XRRA1: variants seen among roughly 807,000 people sequenced by gnomAD.
XRRA1 encodes X-ray radiation resistance-associated protein 1.
A neutral mutation model predicts 80.2 loss-of-function variants in XRRA1; 69 were observed. The ratio of observed to expected loss-of-function variants is 0.86; its 90% CI spans 0.71 to 1.05. XRRA1 has a LOEUF of 1.05. Among genes scored for constraint, XRRA1 ranks in the 50% least tolerant of loss-of-function variants. The pLI, the probability that XRRA1 is intolerant of heterozygous loss-of-function variation, is 0.00. For synonymous variants in XRRA1, 348 were observed against 389.9 expected, an observed-to-expected ratio of 0.89 and a Z score of 1.27; for missense variants, 967 against 976.4, an observed-to-expected ratio of 0.99 and a Z score of 0.13.
At chr11:74,885,809 C>T (rs541856159) in intron 10 of XRRA1, among the ~76,000 whole-genome samples, 2 of 152,188 alleles carry the variant, frequency 1.3e-5, no homozygotes, top group East Asian at 3.9e-4. Flanking sequence ...ATGCAAAAAT[C>T]CTCAAAAAAA....
At chr11:74,872,100 A>G (rs544297916) in intron 10 of XRRA1, among the ~76,000 whole-genome samples, 23 of 152,366 alleles carry the variant, frequency 1.5e-4, no homozygotes, top group Non-Finnish European at 2.4e-4. Flanking sequence ...TGATGACTCC[A>G]CAAATGAATG....
At chr11:74,867,553 C>A (rs1041674064) in intron 10 of XRRA1, among the ~76,000 whole-genome samples, 2 of 152,092 alleles carry the variant, frequency 1.3e-5, no homozygotes, top group Non-Finnish European at 2.9e-5. Context: ...ATGAGCAAAA[C>A]CTCTGAGAAA....
At chr11:74,875,574 T>C (rs759667656) in intron 10 of XRRA1, among the ~76,000 whole-genome samples, 1 of 152,152 alleles carries the variant, frequency 6.6e-6, no homozygotes, top group Non-Finnish European at 1.5e-5. Context: ...GCTTGTGAAG[T>C]CTGTCTTAAA....
At chr11:74,910,134 A>C (rs2055531846) in intron 8 of XRRA1, 1 of 152,256 alleles carries the variant, frequency 6.6e-6, no homozygotes, top group Admixed American at 6.5e-5. Context: ...GCAAGTACTT[A>C]CATTACGACA....
rs191220717 is a variant in XRRA1 at position 74,944,499 on chromosome 11, G to A, written c.-5+519C>T. Among the ~76,000 whole-genome samples the A allele has an allele frequency of 5.3e-5, 8 of 152,308 alleles. No individual in the cohort carries two copies. In the East Asian group the frequency reaches 1.5e-3, roughly 29 times the overall value. On this transcript the variant is annotated intron_variant, in intron 2 of 18. Coordinates refer to ENST00000684022, the MANE Select transcript of XRRA1 (RefSeq NM_001378157.1). ...TTCCATAAATATTTGTGGAATAAAT[G>A]AATCAATGTTGGTACCTCCTTTGGT...
intron 10 of XRRA1, among the ~76,000 whole-genome samples, chr11:74,868,157 G>C (rs1442146843): frequency 6.6e-6 from 1 of 152,058 alleles, no homozygotes; most frequent in Non-Finnish European, 1.5e-5. Flanking sequence ...GGCCTCAAGT[G>C]ATCCACCTGC....
chr11:74,871,501 T>G (rs573027705), intron 10 of XRRA1, among the ~76,000 whole-genome samples: 1 of 152,208 alleles, frequency 6.6e-6, no homozygotes, highest in Non-Finnish European at 1.5e-5. Context: ...ACTAGACCTT[T>G]GCATGCACTG....
Position 74,933,806 on chromosome 11 carries a change from A to G in XRRA1, c.346T>C (p.Ser116Pro). 1 of 1,592,940 alleles carries G rather than the reference A, an allele frequency of 6.3e-7. No homozygotes were observed. The highest frequency in any genetic ancestry group is 8.6e-7 in the Non-Finnish European group (1 of 1,169,230). Reference protein sequence around the residue: ...CTINVSGLKFSKAKENDFKHF... With the variant: ...CTINVSGLKFPKAKENDFKHF... ...TCTTTGCTGGCTGACCTCACCTTGG[A>G]GAACTTCAGGCCACTCACATTAATG... Residue 116 changes from serine to proline, a missense_variant, in exon 5 of 19, where the codon TCC becomes CCC. By Grantham distance (74) the Ser-to-Pro change is moderately conservative (BLOSUM62 -1). Transcript: ENST00000684022.
rs980394929 is a variant in XRRA1 at position 74,845,590 on chromosome 11, C to A, written c.1729-319G>T. ...ACGGAGCAATGGGGAGAGGTGTGGA[C>A]TGCAAGTGATGAGAAAGAATGATTG... On this transcript the variant is annotated intron_variant, in intron 15 of 18. Coordinates refer to ENST00000684022, the MANE Select transcript of XRRA1 (RefSeq NM_001378157.1). Among the ~76,000 whole-genome samples the A allele has an allele frequency of 1.4e-4, 22 of 152,220 alleles. 1 individual carries two copies. Among genetic ancestry groups the A allele is most frequent in the South Asian group, 8.3e-4 (4 of 4,826 alleles).
chr11:74,931,054 G>T (rs549722365), intron 5 of XRRA1, among the ~76,000 whole-genome samples: 1 of 151,992 alleles, frequency 6.6e-6, no homozygotes, highest in South Asian at 2.1e-4. Context: ...TAATCCGCCT[G>T]CCTCAGCCTC....
At chr11:74,915,694 T>C (rs1395478536) in intron 8 of XRRA1, among the ~76,000 whole-genome samples, 2 of 151,894 alleles carry the variant, frequency 1.3e-5, no homozygotes, top group African/African-American at 2.4e-5. Context: ...ACAAGTGGAA[T>C]AGAAACTGTT....
At chr11:74,852,662 G>A (rs2040167029) in intron 12 of XRRA1, among the ~76,000 whole-genome samples, 1 of 152,204 alleles carries the variant, frequency 6.6e-6, no homozygotes, top group African/African-American at 2.4e-5. Context: ...GGCTGTCTGG[G>A]ACACAGAGAA....
intron 10 of XRRA1, among the ~76,000 whole-genome samples, chr11:74,902,433 G>A (rs2053728904): frequency 6.6e-6 from 1 of 152,072 alleles, no homozygotes; most frequent in Admixed American, 6.5e-5. Context: ...CCAAAAGAAG[G>A]GAAATCGGTA....
At chr11:74,902,655 T>C (rs1261894181) in intron 10 of XRRA1, among the ~76,000 whole-genome samples, 1 of 152,096 alleles carries the variant, frequency 6.6e-6, no homozygotes, top group African/African-American at 2.4e-5. Context: ...TTAAGTGAAA[T>C]AAGCCAGGCA....
At chr11:74,856,635 T>G (rs1172152815) in intron 12 of XRRA1, among the ~76,000 whole-genome samples, 1 of 152,202 alleles carries the variant, frequency 6.6e-6, no homozygotes, top group Non-Finnish European at 1.5e-5. Context: ...AAGCGTGGCC[T>G]AGAGTAAACC....
chr11:74,862,883 T>C, intron 11 of XRRA1, 98 bp downstream of exon 11: 8 of 1,123,464 alleles, frequency 7.1e-6, no homozygotes, highest in South Asian at 3.2e-5. Flanking sequence ...GTGTGATCTA[T>C]AGAAATGACT....
At chr11:74,851,531 G>A (rs2039847829) in intron 13 of XRRA1, among the ~76,000 whole-genome samples, 1 of 152,156 alleles carries the variant, frequency 6.6e-6, no homozygotes, top group Non-Finnish European at 1.5e-5. Context: ...CTTACACAGT[G>A]GCTCCACTGC....
At chr11:74,896,624 CAAAGCCCAG>C (rs2052384101) in intron 10 of XRRA1, among the ~76,000 whole-genome samples, 2 of 152,290 alleles carry the variant, frequency 1.3e-5, no homozygotes, top group African/African-American at 2.4e-5. Context: ...GGGCACTGGG[CAAAGCCCAG>C]TGCTGTGTTG....
chr11:74,883,603 C>T (rs2048283039), intron 10 of XRRA1, among the ~76,000 whole-genome samples: 1 of 152,190 alleles, frequency 6.6e-6, no homozygotes, highest in Admixed American at 6.5e-5. Context: ...TCTCTTCTTG[C>T]CTAGAAGCTA....
Sources: gnomAD v4.1 joint callset for allele counts (sites outside exome capture counted in the v4.1 genomes callset) on GRCh38, gnomAD v4.1.1 for gene constraint, MANE v1.5 for transcripts, NCBI Gene and HGNC (gene_info 2026-07-23, HGNC 2026-07-21) for gene names.